NELL1: variants seen among roughly 807,000 people sequenced by gnomAD.
NELL1 encodes neural EGFL like 1.
In NELL1, 76 loss-of-function variants were observed where a neutral mutation model predicts 107.4. The observed-to-expected ratio is 0.71, with a 90% confidence interval of 0.59 to 0.86. The LOEUF (loss-of-function observed/expected upper bound fraction) is 0.86, where lower values mean the gene tolerates loss of function less well. Among genes scored for constraint, NELL1 ranks in the 40% least tolerant of loss-of-function variants. The probability of loss-of-function intolerance (pLI) is 0.00; values close to 1 mark genes in which losing one functional copy is unlikely to be tolerated. For synonymous variants in NELL1, 353 were observed against 341.2 expected, an observed-to-expected ratio of 1.03 and a Z score of -0.38; for missense variants, 1,024 against 1,005.5, an observed-to-expected ratio of 1.02 and a Z score of -0.25.
intron 12 of NELL1, among the ~76,000 whole-genome samples, chr11:21,048,336 T>C (rs1853406851): frequency 6.6e-6 from 1 of 152,180 alleles, no homozygotes; most frequent in Non-Finnish European, 1.5e-5. Flanking sequence ...CCTAGGAAGT[T>C]ATCTGTTTCC....
At chr11:20,853,430 CTCAT>C (rs1029376944) in intron 4 of NELL1, among the ~76,000 whole-genome samples, 3 of 152,140 alleles carry the variant, frequency 2.0e-5, no homozygotes, top group Non-Finnish European at 4.4e-5. Context: ...GTCTAATTTT[CTCAT>C]TCATTCATTC....
intron 14 of NELL1, among the ~76,000 whole-genome samples, chr11:21,340,461 T>G (rs1437540104): frequency 6.6e-6 from 1 of 152,182 alleles, no homozygotes; most frequent in Non-Finnish European, 1.5e-5. Flanking sequence ...CAGCTTTACC[T>G]ACTTTTATGA....
intron 14 of NELL1, 79 bp downstream of exon 14, chr11:21,229,533 G>C (rs967747661): frequency 8.2e-6 from 13 of 1,575,810 alleles, no homozygotes; most frequent in East Asian, 6.8e-5. Flanking sequence ...GGACCTTCTT[G>C]GTAACTCTTG....
chr11:21,476,775 G>T (rs1348074622), intron 15 of NELL1, among the ~76,000 whole-genome samples: 1 of 152,132 alleles, frequency 6.6e-6, no homozygotes, highest in East Asian at 1.9e-4. Flanking sequence ...TGCAAAGAGA[G>T]AATTTGAATG....
At chr11:20,913,620 T>C (rs961309119) in intron 5 of NELL1, among the ~76,000 whole-genome samples, 8 of 151,982 alleles carry the variant, frequency 5.3e-5, no homozygotes, top group Non-Finnish European at 1.2e-4. Context: ...TTTCAGTGCA[T>C]GGTGAGCTGA....
chr11:20,929,978 A>AG (rs1850584034), intron 9 of NELL1, among the ~76,000 whole-genome samples: 3 of 136,040 alleles, frequency 2.2e-5, no homozygotes, highest in African/African-American at 9.6e-5. Flanking sequence ...TCAAAAAAAA[A>AG]AAAGAAAAAA....
chr11:21,097,680 G>A lies in NELL1; in HGVS notation c.1301-15909G>A, dbSNP rs1854682954. On this transcript the variant is annotated intron_variant, in intron 12 of 19. Transcript: ENST00000357134. ...GGCTGTTTACAGCAACTAGGGGCAA[G>A]GAAGAATAAGAAAGTTGAGTTTGAG... is the stretch of plus-strand genomic sequence containing the variant. Among the ~76,000 whole-genome samples, 5 of 152,174 alleles carry A rather than the reference G, an allele frequency of 3.3e-5. No homozygotes were observed. In the South Asian group the frequency reaches 1.0e-3, roughly 32 times the overall value.
chr11:21,399,123 A>G (rs73457958), intron 15 of NELL1, among the ~76,000 whole-genome samples: 2,716 of 151,928 alleles, frequency 0.018, 36 homozygotes, highest in East Asian at 0.065. Flanking sequence ...TTAGCTGCAA[A>G]GGGCCAAGGA....
chr11:20,709,846 A>G (rs1405928719), intron 2 of NELL1, among the ~76,000 whole-genome samples: 1 of 152,046 alleles, frequency 6.6e-6, no homozygotes, highest in Non-Finnish European at 1.5e-5. Flanking sequence ...TTTGATTCTC[A>G]GCTTTGTCAT....
At chr11:21,100,652 A>T (rs918557113) in intron 12 of NELL1, among the ~76,000 whole-genome samples, 1 of 152,214 alleles carries the variant, frequency 6.6e-6, no homozygotes, top group Admixed American at 6.5e-5. Context: ...TTGTACACCA[A>T]TGTTGCAGCA....
chr11:20,927,175 A>G (rs746367593), intron 7 of NELL1, 133 bp from the exon 8 acceptor site: 7 of 732,114 alleles, frequency 9.6e-6, no homozygotes, highest in Non-Finnish European at 1.5e-5. Context: ...AAAACAGATA[A>G]TGCTAAGAAT....
intron 14 of NELL1, among the ~76,000 whole-genome samples, chr11:21,336,643 ATG>A (rs67259972): frequency 0.21 from 27,228 of 130,448 alleles, 2,893 homozygotes; most frequent in South Asian, 0.34. Flanking sequence ...ACTGCTTCAT[ATG>A]TGTGTGTATA....
intron 9 of NELL1, among the ~76,000 whole-genome samples, chr11:20,937,327 C>G (rs1350486803): frequency 1.3e-5 from 2 of 152,168 alleles, no homozygotes; most frequent in Non-Finnish European, 2.9e-5. Flanking sequence ...CACGCCCACT[C>G]CCATGATCAC....
chr11:21,381,008 G>A (rs954283530), intron 15 of NELL1, among the ~76,000 whole-genome samples: 1 of 151,842 alleles, frequency 6.6e-6, no homozygotes, highest in Non-Finnish European at 1.5e-5. Flanking sequence ...TATCCTTTTG[G>A]ACATATATGA....
chr11:21,442,942 CTTTTTTTTTTTTT>C (rs66501874), intron 15 of NELL1, among the ~76,000 whole-genome samples: 14 of 57,566 alleles, frequency 2.4e-4, no homozygotes, highest in African/African-American at 5.6e-4. Context: ...GCTATCTTTC[CTTTTTTTTTTTTT>C]TTTTTTTTTT....
chr11:20,737,400 T>C (rs1275176731), intron 2 of NELL1, among the ~76,000 whole-genome samples: 1 of 152,116 alleles, frequency 6.6e-6, no homozygotes, highest in African/African-American at 2.4e-5. Context: ...TGTGGAACAA[T>C]TTAATTATAA....
chr11:21,061,662 G>T (rs1024403574), intron 12 of NELL1, among the ~76,000 whole-genome samples: 1 of 131,044 alleles, frequency 7.6e-6, no homozygotes, highest in East Asian at 2.4e-4. Flanking sequence ...ATTAACATTT[G>T]CAAAGGCCTT....
intron 13 of NELL1, among the ~76,000 whole-genome samples, chr11:21,151,806 CA>C (rs1313669346): frequency 6.6e-6 from 1 of 152,182 alleles, no homozygotes; most frequent in African/African-American, 2.4e-5. Context: ...TACTAATGCA[CA>C]ATGTTTTGGC....
chr11:21,249,037 C>G (rs1244494872), intron 14 of NELL1, among the ~76,000 whole-genome samples: 1 of 152,122 alleles, frequency 6.6e-6, no homozygotes, highest in African/African-American at 2.4e-5. Flanking sequence ...CCTCTATACC[C>G]AGCCCTGCCT....
Sources: allele counts gnomAD v4.1 joint callset (sites outside exome capture counted in the v4.1 genomes callset), GRCh38; gene constraint gnomAD v4.1.1; transcripts MANE v1.5; gene names NCBI Gene and HGNC (gene_info 2026-07-23, HGNC 2026-07-21).